Variants in FKBP15 observed in about 807,000 individuals in gnomAD.
FKBP15 encodes the protein FKBP prolyl isomerase family member 15.
In FKBP15, 106 loss-of-function variants were observed where a neutral mutation model predicts 158.1. That is an observed-to-expected ratio of 0.67 (90% CI 0.57 to 0.79). FKBP15 has a LOEUF of 0.79. Among genes scored for constraint, FKBP15 ranks in the 30% least tolerant of loss-of-function variants. The pLI, the probability that FKBP15 is intolerant of heterozygous loss-of-function variation, is 0.00. For missense variants in FKBP15, 1,287 were observed against 1,479.1 expected, an observed-to-expected ratio of 0.87 and a Z score of 2.13; for synonymous variants, 547 against 548.6, an observed-to-expected ratio of 1.00 and a Z score of 0.04.
intron 2 of FKBP15, among the ~76,000 whole-genome samples, chr9:113,207,895 T>A (rs1276518318): frequency 2.0e-5 from 3 of 152,214 alleles, no homozygotes; most frequent in Admixed American, 2.0e-4. Context: ...CAAGGAGTAC[T>A]GTCTAAAAAG....
chr9:113,167,292 G>A (rs1024383809), intron 27 of FKBP15, among the ~76,000 whole-genome samples: 52 of 152,292 alleles, frequency 3.4e-4, no homozygotes, highest in African/African-American at 1.2e-3. Context: ...CTGTGAAGTC[G>A]TTTTCAGAGT....
chr9:113,208,747 A>G (rs371466884), intron 2 of FKBP15, among the ~76,000 whole-genome samples: 144 of 147,362 alleles, frequency 9.8e-4, no homozygotes, highest in African/African-American at 3.3e-3. Flanking sequence ...TGGCTCACAC[A>G]GGTAATCCCA....
In FKBP15 at chr9:113,193,569, A is replaced by G. The variant is rs1047198638; in HGVS notation, c.1008-20T>C. The G allele has an allele frequency of 1.3e-6, 2 of 1,584,900 alleles. No individual in the cohort carries two copies. Among genetic ancestry groups the G allele is most frequent in the East Asian group, 4.5e-5 (2 of 44,078 alleles). On this transcript the variant is annotated intron_variant, in intron 10 of 27. Coordinates refer to ENST00000238256, the MANE Select transcript of FKBP15 (RefSeq NM_015258.2). ...GGCTCCCTGAAAGCAAATAGACCAT[A>G]TTCCAAGATTGAAAACAAAATCCAG... is the stretch of plus-strand genomic sequence containing the variant.
rs773709375 is a variant in FKBP15, at chr9:113,162,803, C to T, written c.*3275G>A. ...TAATCCATGTCATCCAGGTGGTCAT[C>T]GGCTACTTCATCATGCTGGCCGTAA... On this transcript the variant is annotated 3_prime_UTR_variant, in exon 28 of 28. Transcript: ENST00000238256. 154 of 1,613,656 alleles carry T rather than the reference C, an allele frequency of 9.5e-5. 2 individuals carry two copies. The Admixed American group carries it at 2.0e-3, about 21-fold the overall frequency.
chr9:113,173,962 A>C (rs907632664), intron 22 of FKBP15, among the ~76,000 whole-genome samples: 6 of 152,176 alleles, frequency 3.9e-5, no homozygotes, highest in African/African-American at 1.4e-4. Flanking sequence ...GCACCAATGC[A>C]CTCTAATTAA....
In FKBP15 at chr9:113,196,933, C is replaced by G. The variant is rs760108764; in HGVS notation, c.863G>C (p.Arg288Pro). 6.8e-6 allele frequency: 11 copies of G among 1,613,810 alleles called. No homozygotes were observed. Among genetic ancestry groups the G allele is most frequent in the Non-Finnish European group, 9.3e-6 (11 of 1,179,740 alleles). Reference sequence around the variant, plus strand: ...CAAAACACAGAGAGTTTCACTCACCCGCCTAACCTCCACCTCGAACACCAG... The same window carrying G: ...CAAAACACAGAGAGTTTCACTCACCGGCCTAACCTCCACCTCGAACACCAG... ...SILVFEVEVRRVKFARDSGSD... is the reference protein window; with the variant it reads ...SILVFEVEVRPVKFARDSGSD... The change falls in exon 9 of 28, where the codon CGG (arginine) becomes CCG (proline). Residue 288 changes from arginine to proline, a missense_variant and splice_region_variant. By Grantham distance (103) the Arg-to-Pro change is moderately radical (BLOSUM62 -2). Transcript: ENST00000238256.
At chr9:113,189,546 G>GA (rs1280989322) in intron 12 of FKBP15, among the ~76,000 whole-genome samples, 1 of 151,736 alleles carries the variant, frequency 6.6e-6, no homozygotes, top group South Asian at 2.1e-4. Context: ...TTCCAGACCA[G>GA]AAAAAAATAA....
At chr9:113,199,988 T>G (rs549739261) in intron 6 of FKBP15, 25 bp from the exon 7 acceptor site, 13 of 1,602,538 alleles carry the variant, frequency 8.1e-6, no homozygotes, top group South Asian at 1.1e-5. Flanking sequence ...CAAAGCAGCA[T>G]AAATGTAGTT....
chr9:113,201,507 G>A (rs890804898), intron 6 of FKBP15, among the ~76,000 whole-genome samples: 12 of 152,160 alleles, frequency 7.9e-5, no homozygotes, highest in Non-Finnish European at 1.8e-4. Context: ...GTATTAGGAG[G>A]TGGGGCCTTT....
At chr9:113,180,815 G>A (rs185279409) in intron 19 of FKBP15, among the ~76,000 whole-genome samples, 43 of 152,158 alleles carry the variant, frequency 2.8e-4, no homozygotes, top group Non-Finnish European at 5.7e-4. Flanking sequence ...ATTATTCCAC[G>A]ATTTTTTGTG....
chr9:113,186,411 T>C (rs1333966857), intron 14 of FKBP15, 48 bp from the exon 15 acceptor site: 1 of 1,316,716 alleles, frequency 7.6e-7, no homozygotes, highest in East Asian at 2.5e-5. Flanking sequence ...TTCATGTCTT[T>C]CTTTTTTGTT....
chr9:113,197,683 G>T (rs914603710), intron 8 of FKBP15, among the ~76,000 whole-genome samples: 26 of 152,222 alleles, frequency 1.7e-4, no homozygotes, highest in African/African-American at 6.3e-4. Context: ...CACCAAAAAA[G>T]AATGTTTTCT....
rs746230154 is a variant in FKBP15, at chr9:113,168,535, A to G, written c.3507T>C (p.Asp1169=). 6.2e-7 allele frequency: 1 copy of G among 1,613,908 alleles called. No homozygotes were observed. Among genetic ancestry groups the G allele is most frequent in the Non-Finnish European group, 8.5e-7 (1 of 1,179,834 alleles). Residue 1169 remains aspartate (D), a synonymous_variant, in exon 27 of 28, where the codon GAT becomes GAC. Coordinates refer to ENST00000238256, the MANE Select transcript of FKBP15 (RefSeq NM_015258.2). ...QRSSLSGDEE[D]ELFKGATLKA... The stretch of plus-strand genomic sequence containing the variant: ...TCAGAGTTGCCCCTTTAAACAGTTC[A>G]TCCTCTTCATCCCCAGAGAGACTGA...
At chr9:113,189,893 T>A (rs1231247672) in intron 12 of FKBP15, among the ~76,000 whole-genome samples, 7 of 152,202 alleles carry the variant, frequency 4.6e-5, no homozygotes. Flanking sequence ...TTGATCAATA[T>A]CTTTAAAAAT....
chr9:113,161,848 G>A lies in FKBP15; in HGVS notation c.*4230C>T, dbSNP rs1351221040. On this transcript the variant is annotated 3_prime_UTR_variant, in exon 28 of 28. Transcript: ENST00000238256. ...TGCCAAAGTGGCTACACATAGCCAA[G>A]TGAACTAGAGCTCATGTCTCCTGAT... 2 of 812,390 alleles carry A rather than the reference G, an allele frequency of 2.5e-6. No homozygotes were observed. Among genetic ancestry groups the A allele is most frequent in the Admixed American group, 2.0e-5 (1 of 50,158 alleles). The allele number at this position is 812,390 out of a possible 1,614,324, so 50.3% of individuals were successfully genotyped here.
In FKBP15 at chr9:113,184,898, TTAA is replaced by T. The variant is rs1027145069; in HGVS notation, c.1499-97_1499-95del. The T allele has an allele frequency of 2.1e-6, 2 of 950,990 alleles. No individual in the cohort carries two copies. The highest frequency in any genetic ancestry group is 3.3e-5 in the African/African-American group (2 of 60,626). 58.9% of individuals were successfully genotyped at this position (950,990 alleles called of 1,614,324 possible). ...GTAGCTCTTCCAGTAAAGAAAGAAA[TTAA>T]TACTTCCATACACTAGGAAATGCTA... On this transcript the variant is annotated intron_variant, in intron 15 of 27. Coordinates refer to ENST00000238256, the MANE Select transcript of FKBP15 (RefSeq NM_015258.2). This position sits in a 1 kb window ranked among gnomAD's most constrained non-coding sequence, Gnocchi z 4.5.
chr9:113,220,162 A>C (rs1013108518), intron 1 of FKBP15, among the ~76,000 whole-genome samples: 2 of 152,254 alleles, frequency 1.3e-5, no homozygotes, highest in African/African-American at 4.8e-5. Flanking sequence ...GAAGCAACTT[A>C]AGGGCAGGCA....
chr9:113,195,078 C>T (rs990879205), intron 9 of FKBP15, among the ~76,000 whole-genome samples: 1 of 151,964 alleles, frequency 6.6e-6, no homozygotes, highest in Non-Finnish European at 1.5e-5. Flanking sequence ...AGCTTTTAAC[C>T]CATTTATGCC....
chr9:113,214,059 A>G (rs1831071404), intron 1 of FKBP15, among the ~76,000 whole-genome samples: 1 of 152,034 alleles, frequency 6.6e-6, no homozygotes, highest in Non-Finnish European at 1.5e-5. Context: ...CAGCCTCCCA[A>G]ATAGCTGAGA....
Sources: gnomAD v4.1 joint callset for allele counts (sites outside exome capture counted in the v4.1 genomes callset) on GRCh38, gnomAD v4.1.1 for gene constraint, Gnocchi (gnomAD v3.1) non-coding constraint, MANE v1.5 for transcripts, NCBI Gene and HGNC (gene_info 2026-07-23, HGNC 2026-07-21) for gene names.